Variants in STARD13 observed in about 807,000 individuals in gnomAD.
STARD13 encodes the protein StAR related lipid transfer domain containing 13, also known as stAR-related lipid transfer protein 13.
Under a neutral mutation model 106.4 loss-of-function variants are expected in STARD13, and 62 were observed. The observed-to-expected ratio is 0.58, with a 90% CI of 0.48 to 0.72. The LOEUF (loss-of-function observed/expected upper bound fraction) is 0.72. STARD13 is among the 30% of genes least tolerant of loss of function. The pLI, the probability that STARD13 is intolerant of heterozygous loss-of-function variation, is 0.00. For synonymous variants in STARD13, 565 were observed against 553.0 expected (o/e 1.02, Z -0.31); for missense variants, 1,387 against 1,424.0 (o/e 0.97, Z 0.42).
chr13:33,310,794 T>C (rs1319232532), intron 1 of STARD13, among the ~76,000 whole-genome samples: 1 of 152,108 alleles, frequency 6.6e-6, no homozygotes. Context: ...TTAGGCAATT[T>C]CATCATTGTG....
At chr13:33,628,982 G>C in the STARD13 span, among the ~76,000 whole-genome samples, 2 of 152,326 alleles carry the variant, frequency 1.3e-5, no homozygotes, top group African/African-American at 4.8e-5. Flanking sequence ...ATGTGATTAC[G>C]ATTACTGTGG....
the STARD13 span, among the ~76,000 whole-genome samples, chr13:33,565,696 C>T: frequency 6.8e-6 from 1 of 147,814 alleles, no homozygotes; most frequent in Non-Finnish European, 1.5e-5. Flanking sequence ...GCCCAGGACG[C>T]TGCCTCCAAA....
the STARD13 span, among the ~76,000 whole-genome samples, chr13:33,519,675 TA>T: frequency 2.0e-5 from 3 of 152,132 alleles, no homozygotes; most frequent in Non-Finnish European, 2.9e-5. Context: ...ATGACCAACT[TA>T]AAAAGCCACA....
intron 1 of STARD13, among the ~76,000 whole-genome samples, chr13:33,200,669 C>G (rs1886953785): frequency 6.6e-6 from 1 of 152,214 alleles, no homozygotes; most frequent in African/African-American, 2.4e-5. Flanking sequence ...AAGCAGAGGA[C>G]TTGCACCCAC....
chr13:33,128,338 G>A (rs1410353582), intron 5 of STARD13, among the ~76,000 whole-genome samples: 1 of 152,122 alleles, frequency 6.6e-6, no homozygotes, highest in African/African-American at 2.4e-5. Flanking sequence ...AGGTACAGAG[G>A]TGACACATCA....
At chr13:33,247,183 T>A (rs949468796) in intron 1 of STARD13, among the ~76,000 whole-genome samples, 19 of 151,698 alleles carry the variant, frequency 1.3e-4, no homozygotes, top group African/African-American at 1.9e-4. Flanking sequence ...GGTGACAGAG[T>A]GAGACTCTGT....
At chr13:33,364,961 G>A in the STARD13 span, among the ~76,000 whole-genome samples, 1 of 152,194 alleles carries the variant, frequency 6.6e-6, no homozygotes, top group Non-Finnish European at 1.5e-5. Context: ...ATGAAACCAG[G>A]AGAACAGAAA....
At chr13:33,497,420 C>T in the STARD13 span, among the ~76,000 whole-genome samples, 1 of 152,074 alleles carries the variant, frequency 6.6e-6, no homozygotes, top group South Asian at 2.1e-4. Flanking sequence ...ATTATGTCAA[C>T]CTTGGGAAGT....
chr13:33,148,061 A>T (rs890180591), intron 3 of STARD13, among the ~76,000 whole-genome samples: 1 of 152,242 alleles, frequency 6.6e-6, no homozygotes, highest in Non-Finnish European at 1.5e-5. Flanking sequence ...TCATCACAAA[A>T]ATTAATTCAA....
chr13:33,255,093 T>C (rs1192019614), intron 1 of STARD13, among the ~76,000 whole-genome samples: 1 of 134,562 alleles, frequency 7.4e-6, no homozygotes, highest in East Asian at 2.0e-4. Flanking sequence ...TGTCCATCTG[T>C]GTGCTCCCCC....
chr13:33,475,736 T>G, the STARD13 span, among the ~76,000 whole-genome samples: 1 of 152,156 alleles, frequency 6.6e-6, no homozygotes, highest in Non-Finnish European at 1.5e-5. Flanking sequence ...GGTGAGCAGA[T>G]CACAAGGTCA....
the STARD13 span, among the ~76,000 whole-genome samples, chr13:33,375,092 A>G: frequency 1.3e-5 from 2 of 152,184 alleles, no homozygotes; most frequent in Non-Finnish European, 2.9e-5. Flanking sequence ...TAGAGAAATT[A>G]TATTACTCAT....
chr13:33,278,748 C>T (rs1891590888), intron 1 of STARD13: 1 of 152,116 alleles, frequency 6.6e-6, no homozygotes, highest in African/African-American at 2.4e-5. Flanking sequence ...GAAGCTCAAG[C>T]CAAATTTGCA....
At chr13:33,124,262 G>C (rs1003652845) in intron 7 of STARD13, among the ~76,000 whole-genome samples, 3 of 152,192 alleles carry the variant, frequency 2.0e-5, no homozygotes, top group African/African-American at 7.2e-5. Context: ...ACAAGGAAAG[G>C]GAGGGACATT....
At chr13:33,380,113 C>T in the STARD13 span, among the ~76,000 whole-genome samples, 630 of 152,212 alleles carry the variant, frequency 4.1e-3, 5 homozygotes, top group African/African-American at 0.014. Flanking sequence ...AGGCCAGGCG[C>T]GGTGGCTCAT....
intron 1 of STARD13, among the ~76,000 whole-genome samples, chr13:33,217,896 G>A (rs774282781): frequency 5.9e-5 from 9 of 152,124 alleles, no homozygotes; most frequent in East Asian, 1.9e-4. Flanking sequence ...TAAATCAGGC[G>A]AGTGATTTAT....
In STARD13 at chr13:33,111,865, C is replaced by T; in HGVS notation, c.2520G>A (p.Gly840=). Residue 840 remains glycine, a synonymous_variant, in exon 10 of 14, where the codon GGG becomes GGA. Coordinates refer to ENST00000336934, the MANE Select transcript of STARD13 (RefSeq NM_178006.4). ...CGTTGAGGTCCTTTTGATCTGGCTT[C>T]CCAGTGGCATATTTCTTCTGTATGA... The part of the protein sequence containing the change: ...PRVIQKKYAT[G]KPDQKDLNEN... 1 of 1,613,876 alleles carries T rather than the reference C, an allele frequency of 6.2e-7. No individual in the cohort carries two copies. The highest frequency in any genetic ancestry group is 8.5e-7 in the Non-Finnish European group (1 of 1,179,758).
intron 1 of STARD13, among the ~76,000 whole-genome samples, chr13:33,229,616 CCA>C (rs894608064): frequency 7.2e-4 from 110 of 152,122 alleles, no homozygotes; most frequent in African/African-American, 2.4e-3. Flanking sequence ...TGCACACACA[CCA>C]CACACACACA....
the STARD13 span, among the ~76,000 whole-genome samples, chr13:33,404,216 T>A: frequency 6.6e-6 from 1 of 152,180 alleles, no homozygotes; most frequent in Non-Finnish European, 1.5e-5. Context: ...AAGGACATCT[T>A]GATAAGAAGC....
Sources: gnomAD v4.1 joint callset for allele counts (sites outside exome capture counted in the v4.1 genomes callset) on GRCh38, gnomAD v4.1.1 for gene constraint, MANE v1.5 for transcripts, NCBI Gene and HGNC (gene_info 2026-07-23, HGNC 2026-07-21) for gene names.